SLC5A9: variants seen among roughly 807,000 people sequenced by gnomAD.
The protein encoded by SLC5A9 is solute carrier family 5 member 9, also known as sodium/glucose cotransporter 4.
Under a neutral mutation model 70.9 loss-of-function variants are expected in SLC5A9, and 59 were observed. That is an observed-to-expected ratio of 0.83 (90% CI 0.68 to 1.03). SLC5A9 has a LOEUF of 1.03. Among genes scored for constraint, SLC5A9 ranks in the 50% least tolerant of loss-of-function variants. SLC5A9 has a pLI of 0.00. For synonymous variants in SLC5A9, 340 were observed against 346.5 expected (o/e 0.98, Z 0.21); for missense variants, 832 against 881.1 (o/e 0.94, Z 0.71).
chr1:48,223,232 C>T (rs1200007474), intron 1 of SLC5A9, among the ~76,000 whole-genome samples: 1 of 152,152 alleles, frequency 6.6e-6, no homozygotes, highest in Non-Finnish European at 1.5e-5. Flanking sequence ...AGGCCCCCAA[C>T]TCTGAGAACT....
chr1:48,231,536 G>A lies in SLC5A9; in HGVS notation c.611-9G>A, dbSNP rs1212064348. On this transcript the variant is annotated splice_polypyrimidine_tract_variant and intron_variant, in intron 5 of 13. Transcript: ENST00000438567. ...TGCTGACTGATGAGCCCTCTCCTTG[G>A]GTCCCCAGGTGGCCTCATGGCCGTG... 3 of 1,563,774 alleles carry A rather than the reference G, an allele frequency of 1.9e-6. No homozygotes were observed. Among genetic ancestry groups the A allele is most frequent in the Admixed American group, 3.7e-5 (2 of 54,710 alleles).
rs760287742 is a variant in SLC5A9, at chr1:48,237,793, A to T, written c.1407A>T (p.Pro469=). Residue 469 remains proline, a synonymous_variant, in exon 11 of 14, where the codon CCA becomes CCT. Transcript: ENST00000438567. ...YIQAVTSYLA[P]PITALFLLAI... ...AGGCTGTCACCAGTTACCTGGCCCCACCCATCACCGCTCTCTTCCTGCTGG... is the reference window on the plus strand; with the variant it reads ...AGGCTGTCACCAGTTACCTGGCCCCTCCCATCACCGCTCTCTTCCTGCTGG... The T allele has an allele frequency of 1.3e-5, 21 of 1,613,486 alleles. No individual in the cohort carries two copies. The highest frequency in any genetic ancestry group is 2.7e-5 in the African/African-American group (2 of 74,692).
intron 13 of SLC5A9, among the ~76,000 whole-genome samples, chr1:48,246,227 G>A (rs1430775816): frequency 1.3e-5 from 2 of 152,162 alleles, no homozygotes; most frequent in Non-Finnish European, 1.5e-5. Context: ...AAATGATAAA[G>A]CCTAGTACAA....
chr1:48,243,153 C>T (rs1644411858), intron 13 of SLC5A9, among the ~76,000 whole-genome samples: 1 of 152,136 alleles, frequency 6.6e-6, no homozygotes, highest in Non-Finnish European at 1.5e-5. Context: ...AAAGAAACCC[C>T]TTACCCATGT....
chr1:48,227,260 C>A (rs2148564533), intron 2 of SLC5A9, among the ~76,000 whole-genome samples: 1 of 106,912 alleles, frequency 9.4e-6, no homozygotes, highest in Non-Finnish European at 1.9e-5. Context: ...TGTGTGAGTG[C>A]ATGTGTGTCA....
chr1:48,230,242 C>T (rs1644227871), intron 4 of SLC5A9, among the ~76,000 whole-genome samples: 2 of 152,200 alleles, frequency 1.3e-5, no homozygotes, highest in African/African-American at 4.8e-5. Flanking sequence ...AGCAACTCTC[C>T]GGTTCTTCCT....
chr1:48,242,178 C>T, intron 12 of SLC5A9: 2 of 492,146 alleles, frequency 4.1e-6, no homozygotes, highest in Non-Finnish European at 7.6e-6. Context: ...TTGCCTCAGT[C>T]TGTAAAATCC....
intron 11 of SLC5A9, among the ~76,000 whole-genome samples, chr1:48,238,929 A>G (rs1644361014): frequency 6.6e-6 from 1 of 152,218 alleles, no homozygotes. Flanking sequence ...GGATCCTGGT[A>G]TTCCCTGATT....
rs756014240 is a variant in SLC5A9, at chr1:48,222,782, G to A, written c.46G>A (p.Gly16Arg). The A allele has an allele frequency of 1.2e-5, 20 of 1,614,034 alleles. No homozygotes were observed. Among genetic ancestry groups the A allele is most frequent in the South Asian group, 3.3e-5 (3 of 91,080 alleles). ...AATGGGGCCTGGAGCTTCAGGGGAC[G>A]GGGTCAGGACTGAGACAGCTCCACA... ...AAMGPGASGD[G>R]VRTETAPHIA... The change falls in exon 1 of 14, where the codon GGG becomes AGG. Residue 16 changes from glycine to arginine, a missense_variant. By Grantham distance (125) the Gly-to-Arg change is moderately radical. Coordinates refer to ENST00000438567, the MANE Select transcript of SLC5A9 (RefSeq NM_001011547.3).
Position 48,244,872 on chromosome 1 carries a change from G to GTGTATATA in SLC5A9, c.1837+2257_1837+2258insGTATATAT, listed in dbSNP as rs1553132185. Among the ~76,000 whole-genome samples the GTGTATATA allele has an allele frequency of 1.6e-3, 15 of 9,308 alleles. 2 individuals are homozygous for GTGTATATA. The highest frequency in any genetic ancestry group is 3.2e-3 in the African/African-American group (15 of 4,690). The allele number at this position is 9,308 out of a possible 152,430, so 6.1% of individuals were successfully genotyped here. On this transcript the variant is annotated intron_variant, in intron 13 of 13. Transcript: ENST00000438567. Reference sequence around the variant, plus strand: ...AAAACCTGTGTGTGTGTATGTATGTGTATGTGTATATATATATATATATAT... The same window carrying GTGTATATA: ...AAAACCTGTGTGTGTGTATGTATGTGTGTATATATATGTGTATATATATATATATATAT...
At position 48,232,024 on chromosome 1, in the gene SLC5A9, C is replaced by T. The variant is rs369664164; in HGVS notation, c.770C>T (p.Thr257Ile). 47 of 1,614,086 alleles carry T rather than the reference C, an allele frequency of 2.9e-5. No individual in the cohort carries two copies. Among genetic ancestry groups the T allele is most frequent in the Non-Finnish European group, 3.9e-5 (46 of 1,180,032 alleles). Reference sequence around the variant, plus strand: ...ATCCCTAATGTCACAGTCCCCAACACCACCTGTCACCTCCCACGGCCCGAT... The same window carrying T: ...ATCCCTAATGTCACAGTCCCCAACATCACCTGTCACCTCCCACGGCCCGAT... ...QAIPNVTVPN[T>I]TCHLPRPDAF... is the part of the protein sequence containing the mutation. Residue 257 changes from threonine to isoleucine, a missense_variant, in exon 7 of 14, where the codon ACC (threonine) becomes ATC (isoleucine). Transcript: ENST00000438567.
intron 2 of SLC5A9, among the ~76,000 whole-genome samples, chr1:48,226,514 C>T (rs1211023239): frequency 6.6e-6 from 1 of 152,226 alleles, no homozygotes; most frequent in African/African-American, 2.4e-5. Context: ...GCCTCCTGCA[C>T]CTGAGACCTG....
intron 2 of SLC5A9, among the ~76,000 whole-genome samples, chr1:48,226,182 A>G (rs202126392): frequency 1.3e-5 from 2 of 151,974 alleles, no homozygotes; most frequent in East Asian, 3.9e-4. Context: ...AAAAGGAAAA[A>G]CCCTTCAAAA....
At chr1:48,236,599 T>A (rs1051190629) in intron 10 of SLC5A9, among the ~76,000 whole-genome samples, 4 of 152,236 alleles carry the variant, frequency 2.6e-5, no homozygotes, top group African/African-American at 9.6e-5. Context: ...CTTTTTTAGA[T>A]CTTTGCTTCA....
Position 48,222,915 on chromosome 1 carries a change from G to A in SLC5A9, c.162+17G>A. On this transcript the variant is annotated intron_variant, in intron 1 of 13. Coordinates refer to ENST00000438567, the MANE Select transcript of SLC5A9 (RefSeq NM_001011547.3). ...GGGATCTGGGTAAGTGGGCCCTGAG[G>A]CTGGGGCTAGCAGGGGAGGTAGTAG... The A allele has an allele frequency of 2.5e-6, 4 of 1,613,438 alleles. No individual in the cohort carries two copies. Among genetic ancestry groups the A allele is most frequent in the Non-Finnish European group, 3.4e-6 (4 of 1,179,646 alleles).
intron 9 of SLC5A9, among the ~76,000 whole-genome samples, chr1:48,235,178 T>C (rs1644309228): frequency 6.6e-6 from 1 of 152,020 alleles, no homozygotes; most frequent in South Asian, 2.1e-4. Context: ...AAGGAGCTAG[T>C]CCAAGGATCA....
At position 48,227,457 on chromosome 1, in the gene SLC5A9, AGT is replaced by A. The variant is rs536572770; in HGVS notation, c.235-1386_235-1385del. ...GTGTGTGTGTGTGTATGTGTGAGAG[AGT>A]GTGTGTACTGTGCCTGTGTGGGCGT... On this transcript the variant is annotated intron_variant, in intron 2 of 13. Transcript: ENST00000438567. Among the ~76,000 whole-genome samples the A allele has an allele frequency of 6.5e-4, 27 of 41,540 alleles. No individual in the cohort carries two copies. The East Asian group carries it at 0.012, about 18-fold the overall frequency. 27.3% of individuals were successfully genotyped at this position (41,540 alleles called of 152,430 possible). A position where few individuals can be genotyped will look rare whatever the true frequency, so the allele number is the denominator to read the frequency against.
chr1:48,225,812 TCA>T (rs1644138192), intron 2 of SLC5A9, among the ~76,000 whole-genome samples: 3 of 152,138 alleles, frequency 2.0e-5, no homozygotes, highest in Admixed American at 2.0e-4. Flanking sequence ...ACTGTCACAA[TCA>T]CATACACTCA....
intron 5 of SLC5A9, among the ~76,000 whole-genome samples, chr1:48,231,054 C>G (rs1644241033): frequency 6.6e-6 from 1 of 152,124 alleles, no homozygotes; most frequent in Non-Finnish European, 1.5e-5. Flanking sequence ...TGACCCAAGC[C>G]AGAGTCACTG....
Sources: gnomAD v4.1 joint callset for allele counts (sites outside exome capture counted in the v4.1 genomes callset) on GRCh38, gnomAD v4.1.1 for gene constraint, MANE v1.5 for transcripts, NCBI Gene and HGNC (gene_info 2026-07-23, HGNC 2026-07-21) for gene names.